The following COL21A1 variants were observed in gnomAD, a reference collection of about 807,000 sequenced individuals.
The protein encoded by COL21A1 is collagen alpha-1(XXI) chain.
COL21A1 carries 149 observed loss-of-function variants against 137.9 expected under a neutral mutation model. The ratio of observed to expected loss-of-function variants is 1.08; its 90% CI spans 0.95 to 1.24. The LOEUF (loss-of-function observed/expected upper bound fraction) is 1.24. Ranked by LOEUF, COL21A1 falls within the 50% of genes most tolerant of loss-of-function variation. The pLI is 0.00. For missense variants in COL21A1, 1,167 were observed against 1,158.4 expected (o/e 1.01, Z -0.11); for synonymous variants, 456 against 391.5 (o/e 1.16, Z -1.95).
intron 1 of COL21A1, among the ~76,000 whole-genome samples, chr6:56,200,639 T>A (rs1779325166): frequency 6.6e-6 from 1 of 152,056 alleles, no homozygotes. Context: ...GAACTCATCA[T>A]TTTTTATGGC....
intron 1 of COL21A1, among the ~76,000 whole-genome samples, chr6:56,197,880 A>G (rs1266749957): frequency 1.3e-5 from 2 of 152,080 alleles, no homozygotes; most frequent in Non-Finnish European, 2.9e-5. Context: ...TAAAATCACT[A>G]TCTCAAAGAG....
chr6:56,380,953 T>C (rs2094007724), intron 1 of COL21A1, among the ~76,000 whole-genome samples: 1 of 152,166 alleles, frequency 6.6e-6, no homozygotes, highest in African/African-American at 2.4e-5. Flanking sequence ...TAGAAATACA[T>C]ACAGAACAAC....
chr6:56,124,096 C>G lies in COL21A1; in HGVS notation c.1724G>C (p.Gly575Ala), dbSNP rs1334856713. ...GGGACTACCCATTAATCCATCCTTT[C>G]CATGTCTTCCTGGTTCTCCCTAAAA... is the stretch of plus-strand genomic sequence containing the variant. ...PGPAGEPGRH[G>A]KDGLMGSPGF... is the part of the protein sequence containing the mutation. Residue 575 changes from glycine to alanine, a missense_variant, in exon 16 of 30, where the codon GGA becomes GCA. Transcript: ENST00000244728. 3 of 1,536,858 alleles carry G rather than the reference C, an allele frequency of 2.0e-6. No individual in the cohort carries two copies. Among genetic ancestry groups the G allele is most frequent in the Non-Finnish European group, 2.6e-6 (3 of 1,141,860 alleles).
chr6:56,147,184 T>G (rs1299690977), intron 10 of COL21A1, among the ~76,000 whole-genome samples: 1 of 152,140 alleles, frequency 6.6e-6, no homozygotes, highest in African/African-American at 2.4e-5. Context: ...TCTCTAGTAA[T>G]TGTGCTTTTC....
intron 1 of COL21A1, among the ~76,000 whole-genome samples, chr6:56,187,102 A>C (rs1394387759): frequency 6.6e-6 from 1 of 152,184 alleles, no homozygotes; most frequent in Non-Finnish European, 1.5e-5. Flanking sequence ...TGAAGGCTGG[A>C]ACGTCCAAAG....
chr6:56,384,865 G>A (rs2094014923), intron 1 of COL21A1, among the ~76,000 whole-genome samples: 2 of 152,160 alleles, frequency 1.3e-5, no homozygotes, highest in Admixed American at 6.5e-5. Context: ...GGGAGGATGT[G>A]GTATAGGTCC....
chr6:56,106,944 G>C (rs1344979300), intron 16 of COL21A1, among the ~76,000 whole-genome samples: 2 of 151,938 alleles, frequency 1.3e-5, no homozygotes, highest in Non-Finnish European at 2.9e-5. Context: ...CCGCCACCAC[G>C]CCCGGCTAAT....
At chr6:56,327,741 G>A (rs1439243747) in intron 1 of COL21A1, among the ~76,000 whole-genome samples, 2 of 152,028 alleles carry the variant, frequency 1.3e-5, no homozygotes, top group Non-Finnish European at 2.9e-5. Context: ...CCATCAGTTA[G>A]ATACTCCTGG....
intron 1 of COL21A1, among the ~76,000 whole-genome samples, chr6:56,391,659 AC>A (rs1450430815): frequency 3.3e-5 from 5 of 152,162 alleles, no homozygotes; most frequent in Non-Finnish European, 7.4e-5. Flanking sequence ...ATGAGCAACC[AC>A]ATGCCAATAA....
At chr6:56,250,738 T>C (rs1166384626), upstream of COL21A1, among the ~76,000 whole-genome samples, 1 of 152,210 alleles carries the variant, frequency 6.6e-6, no homozygotes, top group Non-Finnish European at 1.5e-5. Context: ...TAATTTGTCA[T>C]GCAACAACAG....
At chr6:56,370,887 T>C (rs1023238750) in intron 1 of COL21A1, among the ~76,000 whole-genome samples, 1 of 152,340 alleles carries the variant, frequency 6.6e-6, no homozygotes, top group Non-Finnish European at 1.5e-5. Flanking sequence ...AGAAAAAGAA[T>C]GGATTTTGCA....
chr6:56,083,836 A>C (rs1767995240), intron 17 of COL21A1, among the ~76,000 whole-genome samples: 1 of 152,036 alleles, frequency 6.6e-6, no homozygotes, highest in African/African-American at 2.4e-5. Flanking sequence ...GTCAGAACAA[A>C]AGTAGAGCAT....
At chr6:56,296,162 C>T (rs1268650317) in intron 1 of COL21A1, among the ~76,000 whole-genome samples, 1 of 151,796 alleles carries the variant, frequency 6.6e-6, no homozygotes, top group African/African-American at 2.4e-5. Context: ...TAGTATATTT[C>T]AGCATTAAAG....
chr6:56,100,950 G>T (rs1382097399), intron 17 of COL21A1, among the ~76,000 whole-genome samples: 1 of 152,152 alleles, frequency 6.6e-6, no homozygotes, highest in East Asian at 1.9e-4. Flanking sequence ...AATAAGATCT[G>T]CTGGTATTTA....
intron 12 of COL21A1, among the ~76,000 whole-genome samples, chr6:56,134,092 C>T (rs145546260): frequency 1.8e-4 from 27 of 152,264 alleles, no homozygotes; most frequent in African/African-American, 6.0e-4. Context: ...GTATATCTAC[C>T]GATAGCTTGC....
chr6:56,160,154 C>T (rs969643658), intron 9 of COL21A1, among the ~76,000 whole-genome samples: 1 of 152,112 alleles, frequency 6.6e-6, no homozygotes, highest in Non-Finnish European at 1.5e-5. Context: ...AAGTAAAATC[C>T]TAATTAATTT....
At chr6:56,363,196 T>C (rs1389274449) in intron 1 of COL21A1, among the ~76,000 whole-genome samples, 1 of 152,204 alleles carries the variant, frequency 6.6e-6, no homozygotes, top group African/African-American at 2.4e-5. Context: ...AAAGCTCACT[T>C]CCTAGCCTTC....
chr6:56,296,884 G>T (rs1764175120), intron 1 of COL21A1, among the ~76,000 whole-genome samples: 1 of 151,938 alleles, frequency 6.6e-6, no homozygotes, highest in Non-Finnish European at 1.5e-5. Flanking sequence ...TATCAAAGAT[G>T]GGTTTCCAAT....
intron 9 of COL21A1, among the ~76,000 whole-genome samples, chr6:56,158,757 T>C (rs1775979116): frequency 1.3e-5 from 2 of 151,872 alleles, no homozygotes; most frequent in Non-Finnish European, 2.9e-5. Flanking sequence ...AAGGAACCAA[T>C]AAAGCAGGGA....
Sources: gnomAD v4.1 joint callset for allele counts (sites outside exome capture counted in the v4.1 genomes callset) on GRCh38, gnomAD v4.1.1 for gene constraint, MANE v1.5 for transcripts, NCBI Gene and HGNC (gene_info 2026-07-23, HGNC 2026-07-21) for gene names.